LCMT1: variants seen among roughly 807,000 people sequenced by gnomAD.
The protein encoded by LCMT1 is [Phosphatase 2A protein]-leucine-carboxy methyltransferase 1.
In LCMT1, 32 loss-of-function variants were observed where a neutral mutation model predicts 47.7. The ratio of observed to expected loss-of-function variants is 0.67; its 90% CI spans 0.51 to 0.90. The LOEUF (loss-of-function observed/expected upper bound fraction) is 0.90. LCMT1 is among the 40% of genes least tolerant of loss of function. The probability of loss-of-function intolerance (pLI) is 0.00; values close to 1 mark genes in which losing one functional copy is unlikely to be tolerated. For synonymous variants in LCMT1, 152 were observed against 149.7 expected (o/e 1.02, Z -0.11); for missense variants, 375 against 415.2 (o/e 0.90, Z 0.84).
intron 7 of LCMT1, 124 bp from the exon 8 acceptor site, chr16:25,168,988 T>G: frequency 1.4e-6 from 1 of 704,382 alleles, no homozygotes; most frequent in East Asian, 2.6e-5. Context: ...TCAGTCCGTT[T>G]CCTATGCTGG....
intron 1 of LCMT1, among the ~76,000 whole-genome samples, chr16:25,123,600 CTTTTTTTTT>C (rs1173228613): frequency 1.6e-4 from 10 of 63,486 alleles, no homozygotes; most frequent in African/African-American, 7.3e-4. Flanking sequence ...AAATTGCTTT[CTTTTTTTTT>C]TTTTTTTTTT....
At chr16:25,173,011 C>T (rs191017438) in intron 9 of LCMT1, among the ~76,000 whole-genome samples, 4 of 152,164 alleles carry the variant, frequency 2.6e-5, no homozygotes, top group African/African-American at 7.2e-5. Context: ...ACGGGGGAGG[C>T]GGGTAAGGAG....
intron 4 of LCMT1, chr16:25,145,300 G>A (rs559163869): frequency 6.6e-6 from 1 of 152,330 alleles, no homozygotes; most frequent in Non-Finnish European, 1.5e-5. Context: ...ATCCTGCCAT[G>A]TTTGGCTGAC....
chr16:25,151,727 T>TGTGG (rs1452882723), intron 5 of LCMT1, 112 bp downstream of exon 5: 8 of 154,636 alleles, frequency 5.2e-5, no homozygotes, highest in Non-Finnish European at 6.6e-5. Flanking sequence ...GTGTGTGGTG[T>TGTGG]TATACAATGT....
chr16:25,127,318 G>T (rs796341223), intron 1 of LCMT1, among the ~76,000 whole-genome samples: 4 of 152,246 alleles, frequency 2.6e-5, no homozygotes, highest in African/African-American at 9.6e-5. Context: ...TAAGTATATT[G>T]TTATAAAACT....
At chr16:25,143,246 A>G (rs1287949430) in intron 4 of LCMT1, 1 of 152,198 alleles carries the variant, frequency 6.6e-6, no homozygotes, top group East Asian at 1.9e-4. Context: ...ACTAAGTCTT[A>G]GGCTGCACGA....
chr16:25,163,467 CA>C (rs11318381), intron 6 of LCMT1, among the ~76,000 whole-genome samples: 49,616 of 97,638 alleles, frequency 0.51, 8,235 homozygotes, highest in Non-Finnish European at 0.55. Context: ...GACTCTGTCT[CA>C]AAAAAAAAAA....
At chr16:25,125,311 T>TA in intron 1 of LCMT1, among the ~76,000 whole-genome samples, 1 of 152,388 alleles carries the variant, frequency 6.6e-6, no homozygotes, top group Non-Finnish European at 1.5e-5. Context: ...GTTCACCTGA[T>TA]ACTATAACTC....
At chr16:25,177,227 C>T (rs957060435) in intron 10 of LCMT1, among the ~76,000 whole-genome samples, 1 of 151,986 alleles carries the variant, frequency 6.6e-6, no homozygotes. Context: ...TGTTATCCTC[C>T]TCTTAATTAT....
chr16:25,138,555 G>A (rs928275704), intron 3 of LCMT1, among the ~76,000 whole-genome samples: 1 of 152,118 alleles, frequency 6.6e-6, no homozygotes, highest in Non-Finnish European at 1.5e-5. Flanking sequence ...GTGTATGTGT[G>A]TCTTTCATAT....
intron 6 of LCMT1, among the ~76,000 whole-genome samples, chr16:25,163,776 T>C (rs1236002702): frequency 1.3e-5 from 2 of 152,206 alleles, no homozygotes; most frequent in Non-Finnish European, 2.9e-5. Flanking sequence ...AACATCATAC[T>C]TATGAGCTGC....
At chr16:25,113,074 G>A (rs1001174549) in intron 1 of LCMT1, among the ~76,000 whole-genome samples, 3 of 147,622 alleles carry the variant, frequency 2.0e-5, no homozygotes, top group Middle Eastern at 7.3e-3. Context: ...CCGGGAGGCA[G>A]AGGTTGCAGT....
chr16:25,176,036 G>A (rs573464178), intron 10 of LCMT1, among the ~76,000 whole-genome samples: 40 of 152,240 alleles, frequency 2.6e-4, no homozygotes, highest in African/African-American at 8.7e-4. Context: ...GATGTTAAAC[G>A]CACAGATCAG....
At chr16:25,165,136 C>T (rs1961550062) in intron 7 of LCMT1, among the ~76,000 whole-genome samples, 2 of 152,090 alleles carry the variant, frequency 1.3e-5, no homozygotes, top group African/African-American at 4.8e-5. Context: ...CACGTCCCAT[C>T]TCACAGGAGT....
At chr16:25,156,738 T>C (rs1961267113) in intron 5 of LCMT1, among the ~76,000 whole-genome samples, 1 of 152,142 alleles carries the variant, frequency 6.6e-6, no homozygotes, top group South Asian at 2.1e-4. Context: ...ACCCTGAACT[T>C]CTCTGTAGAA....
At chr16:25,131,297 G>A (rs1960343038) in intron 2 of LCMT1, among the ~76,000 whole-genome samples, 1 of 152,198 alleles carries the variant, frequency 6.6e-6, no homozygotes, top group African/African-American at 2.4e-5. Flanking sequence ...TGCTGCACAG[G>A]CAAAGACCCC....
intron 2 of LCMT1, among the ~76,000 whole-genome samples, chr16:25,129,745 TG>T (rs1960295557): frequency 2.0e-5 from 3 of 152,202 alleles, no homozygotes; most frequent in Non-Finnish European, 4.4e-5. Flanking sequence ...TGGATTTAAT[TG>T]GGTTTTTCTA....
chr16:25,112,125 C>G, intron 1 of LCMT1, 129 bp downstream of exon 1: 1 of 716,034 alleles, frequency 1.4e-6, no homozygotes, highest in Non-Finnish European at 2.5e-6. Context: ...ACCCTCGCTT[C>G]CCACCTGTGA....
Position 25,174,941 on chromosome 16 carries a change from G to A in LCMT1, c.889G>A (p.Glu297Lys), listed in dbSNP as rs1961885699. Residue 297 changes from glutamate (E) to lysine (K), a missense_variant, in exon 10 of 11, where the codon GAA becomes AAA. Transcript: ENST00000399069. ...RLPRAEVSRI[E>K]SLEFLDEMEL... is the part of the protein sequence containing the mutation. ...CTATTTTAATTCTTTCCACAGGATA[G>A]AATCACTTGAATTCCTGGATGAAAT... 1 of 1,581,158 alleles carries A rather than the reference G, an allele frequency of 6.3e-7. No homozygotes were observed. The highest frequency in any genetic ancestry group is 1.3e-5 in the African/African-American group (1 of 74,180).
Sources: allele counts gnomAD v4.1 joint callset (sites outside exome capture counted in the v4.1 genomes callset), GRCh38; gene constraint gnomAD v4.1.1; transcripts MANE v1.5; gene names NCBI Gene and HGNC (gene_info 2026-07-23, HGNC 2026-07-21).